LRP1B: variants seen among roughly 807,000 people sequenced by gnomAD.
LRP1B encodes the protein low-density lipoprotein receptor-related protein 1B.
In LRP1B, 217 loss-of-function variants were observed where a neutral mutation model predicts 556.6. That is an observed-to-expected ratio of 0.39 (90% CI 0.35 to 0.44). LRP1B has a LOEUF of 0.44. Ranked by LOEUF, LRP1B falls within the 20% of genes least tolerant of loss-of-function variation. LRP1B has a pLI of 1.00. For synonymous variants in LRP1B, 2,047 were observed against 1,865.8 expected (o/e 1.10, Z -2.50); for missense variants, 5,053 against 5,620.8 (o/e 0.90, Z 3.23).
rs1318470683 is a variant in LRP1B, at chr2:141,165,692, A to C, written c.1013+22729T>G. 2.0e-5 allele frequency among the ~76,000 whole-genome samples: 3 copies of C among 152,048 alleles called. No homozygotes were observed. The East Asian group carries it at 5.8e-4, about 29-fold the overall frequency. On this transcript the variant is annotated intron_variant, in intron 7 of 90. Transcript: ENST00000389484. ...GAACCATTAAGGAAATTGGAATAAC[A>C]ATAGCAAAGAGGAAAACAAGCAATT...
intron 66 of LRP1B, among the ~76,000 whole-genome samples, chr2:140,433,420 A>G (rs1686039322): frequency 6.6e-6 from 1 of 152,156 alleles, no homozygotes; most frequent in Non-Finnish European, 1.5e-5. Flanking sequence ...GCAATAGTTT[A>G]ATTAATTTAA....
At chr2:141,736,951 CT>C (rs1693491585) in intron 2 of LRP1B, among the ~76,000 whole-genome samples, 1 of 152,148 alleles carries the variant, frequency 6.6e-6, no homozygotes, top group East Asian at 1.9e-4. Flanking sequence ...CTTAGATTTC[CT>C]CTGGCCTCTC....
intron 31 of LRP1B, among the ~76,000 whole-genome samples, chr2:140,836,818 CT>C (rs1339702452): frequency 1.3e-5 from 2 of 152,146 alleles, no homozygotes; most frequent in Non-Finnish European, 2.9e-5. Flanking sequence ...ATTGGGGAGA[CT>C]ATCAATCTTG....
intron 32 of LRP1B, among the ~76,000 whole-genome samples, chr2:140,808,364 CA>C (rs901215075): frequency 1.4e-4 from 22 of 152,176 alleles, no homozygotes; most frequent in African/African-American, 5.1e-4. Flanking sequence ...AAAAACAAAA[CA>C]TTTAAAAAAT....
intron 87 of LRP1B, among the ~76,000 whole-genome samples, chr2:140,245,989 T>G (rs1681143514): frequency 6.6e-6 from 1 of 151,344 alleles, no homozygotes; most frequent in Admixed American, 6.6e-5. Context: ...AGACCTATTT[T>G]CCATTTTTCA....
At chr2:140,516,576 C>G (rs1298275000) in intron 50 of LRP1B, among the ~76,000 whole-genome samples, 3 of 151,976 alleles carry the variant, frequency 2.0e-5, no homozygotes, top group African/African-American at 7.2e-5. Flanking sequence ...AAAGCAAATA[C>G]ATCAGGTACC....
At chr2:140,780,981 A>C (rs745500526) in intron 32 of LRP1B, among the ~76,000 whole-genome samples, 6 of 152,170 alleles carry the variant, frequency 3.9e-5, no homozygotes, top group Admixed American at 2.0e-4. Flanking sequence ...CTCCCTAGAC[A>C]GTAGAGATAT....
chr2:141,416,274 C>A (rs189083063), intron 3 of LRP1B, among the ~76,000 whole-genome samples: 2 of 152,086 alleles, frequency 1.3e-5, no homozygotes, highest in East Asian at 3.9e-4. Context: ...TTGGTTCTGC[C>A]ATTCATGAGG....
intron 2 of LRP1B, among the ~76,000 whole-genome samples, chr2:141,498,928 T>G (rs1683613721): frequency 6.6e-6 from 1 of 152,074 alleles, no homozygotes; most frequent in Non-Finnish European, 1.5e-5. Context: ...CGACACCCAA[T>G]CTGTTCCATC....
intron 2 of LRP1B, among the ~76,000 whole-genome samples, chr2:141,665,891 A>T (rs1690411187): frequency 6.6e-6 from 1 of 152,206 alleles, no homozygotes. Flanking sequence ...TCTCACTTAT[A>T]AGTGGGAGCT....
chr2:141,403,058 A>G (rs1391909494), intron 3 of LRP1B, among the ~76,000 whole-genome samples: 2 of 152,116 alleles, frequency 1.3e-5, no homozygotes, highest in African/African-American at 4.8e-5. Flanking sequence ...GAAATTTTAG[A>G]CAACAGTGAT....
chr2:142,117,718 T>A (rs1441601738), intron 1 of LRP1B, among the ~76,000 whole-genome samples: 5 of 152,064 alleles, frequency 3.3e-5, no homozygotes, highest in Non-Finnish European at 1.5e-5. Context: ...TCCATAAAAA[T>A]TCAGATTCCC....
chr2:140,237,160 T>C (rs1397788856), intron 89 of LRP1B, among the ~76,000 whole-genome samples: 1 of 150,970 alleles, frequency 6.6e-6, no homozygotes, highest in Non-Finnish European at 1.5e-5. Flanking sequence ...GAACAACACC[T>C]ATTTTCCTTC....
intron 3 of LRP1B, among the ~76,000 whole-genome samples, chr2:141,438,854 G>A (rs1680861026): frequency 6.6e-6 from 1 of 152,148 alleles, no homozygotes; most frequent in Admixed American, 6.5e-5. Flanking sequence ...GTGCAGGCAA[G>A]TAAAGGACCT....
intron 2 of LRP1B, among the ~76,000 whole-genome samples, chr2:141,776,607 T>C (rs949808297): frequency 4.6e-5 from 7 of 152,148 alleles, no homozygotes; most frequent in African/African-American, 1.7e-4. Context: ...AGTATTGCCA[T>C]AGTGATGATG....
chr2:142,124,483 T>G (rs1254971356), intron 1 of LRP1B, among the ~76,000 whole-genome samples: 2 of 151,902 alleles, frequency 1.3e-5, no homozygotes, highest in Non-Finnish European at 2.9e-5. Context: ...ACTATATATA[T>G]TCTTTATTGA....
intron 20 of LRP1B, among the ~76,000 whole-genome samples, chr2:140,923,419 G>T (rs1016504775): frequency 6.6e-6 from 1 of 152,016 alleles, no homozygotes; most frequent in Non-Finnish European, 1.5e-5. Context: ...TAGAAAAGAA[G>T]AAGTAAGATA....
chr2:140,596,937 C>T (rs563520263), intron 43 of LRP1B, among the ~76,000 whole-genome samples: 2 of 151,974 alleles, frequency 1.3e-5, no homozygotes, highest in South Asian at 2.1e-4. Flanking sequence ...GCTAGTAGGG[C>T]GATTAGTAAA....
At chr2:141,837,537 A>G (rs1697326949) in intron 1 of LRP1B, among the ~76,000 whole-genome samples, 1 of 152,076 alleles carries the variant, frequency 6.6e-6, no homozygotes, top group Non-Finnish European at 1.5e-5. Flanking sequence ...GGCTAGAAGC[A>G]CTAATTGATT....
Sources: gnomAD v4.1 joint callset for allele counts (sites outside exome capture counted in the v4.1 genomes callset) on GRCh38, gnomAD v4.1.1 for gene constraint, MANE v1.5 for transcripts, NCBI Gene and HGNC (gene_info 2026-07-23, HGNC 2026-07-21) for gene names.